EGF: variants seen among roughly 807,000 people sequenced by gnomAD.
The protein encoded by EGF is pro-epidermal growth factor.
EGF carries 95 observed loss-of-function variants against 143.8 expected under a neutral mutation model. The ratio of observed to expected loss-of-function variants is 0.66; its 90% confidence interval spans 0.56 to 0.78. The LOEUF (loss-of-function observed/expected upper bound fraction) is 0.78, where lower values mean the gene tolerates loss of function less well. Ranked by LOEUF, EGF falls within the 30% of genes least tolerant of loss-of-function variation. EGF has a pLI of 0.00. For missense variants in EGF, 1,320 were observed against 1,470.9 expected, an observed-to-expected ratio of 0.90 and a Z score of 1.68; for synonymous variants, 510 against 510.5, an observed-to-expected ratio of 1.00 and a Z score of 0.01.
intron 21 of EGF, among the ~76,000 whole-genome samples, chr4:110,000,832 A>G (rs114495955): frequency 0.011 from 1,652 of 152,330 alleles, 14 homozygotes; most frequent in Non-Finnish European, 0.017. Context: ...AGGGGACTTT[A>G]TGGAATTATC....
At chr4:109,987,978 TA>T (rs1437607721) in intron 17 of EGF, 118 bp downstream of exon 17, 1 of 825,586 alleles carries the variant, frequency 1.2e-6, no homozygotes, top group African/African-American at 1.7e-5. Flanking sequence ...TTGAATAAGT[TA>T]TTTGATGTTA....
chr4:109,936,922 C>G (rs1740928710), intron 1 of EGF, among the ~76,000 whole-genome samples: 1 of 152,070 alleles, frequency 6.6e-6, no homozygotes, highest in South Asian at 2.1e-4. Flanking sequence ...AATTTCTGTT[C>G]TTTTGCATTT....
In EGF at chr4:110,012,738, C is replaced by A. The variant is rs193265825; in HGVS notation, c.*1283C>A. ...GTAACTTTTAAAAAAATTTTTTAATCTACAACTCTGTAGATTAAAATTTCA... is the reference window on the plus strand; with the variant it reads ...GTAACTTTTAAAAAAATTTTTTAATATACAACTCTGTAGATTAAAATTTCA... On this transcript the variant is annotated 3_prime_UTR_variant, in exon 24 of 24. Transcript: ENST00000265171. Among the ~76,000 whole-genome samples the A allele has an allele frequency of 1.3e-5, 2 of 152,144 alleles. No homozygotes were observed. The highest frequency in any genetic ancestry group is 2.9e-5 in the Non-Finnish European group (2 of 68,024).
intron 20 of EGF, among the ~76,000 whole-genome samples, chr4:109,997,696 C>G (rs903336864): frequency 3.9e-5 from 6 of 152,016 alleles, no homozygotes; most frequent in Admixed American, 6.5e-5. Context: ...GTGATCCGCC[C>G]GCCTGGGCCT....
At position 109,970,824 on chromosome 4, in the gene EGF, C is replaced by CAAAAAAAAAA. The variant is rs371512157; in HGVS notation, c.1724+1718_1724+1727dup. Among the ~76,000 whole-genome samples the CAAAAAAAAAA allele has an allele frequency of 5.7e-3, 416 of 72,916 alleles. 43 individuals are homozygous for CAAAAAAAAAA. Among genetic ancestry groups the CAAAAAAAAAA allele is most frequent in the Middle Eastern group, 0.028 (3 of 108 alleles). The allele number at this position is 72,916 out of a possible 152,430, so 47.8% of individuals were successfully genotyped here. A position where few individuals can be genotyped will look rare whatever the true frequency, so the allele number is the denominator to read the frequency against. On this transcript the variant is annotated intron_variant, in intron 11 of 23. Transcript: ENST00000265171. ...TGGGTGGCAGAGCGAGACTCCGTCT[C>CAAAAAAAAAA]AAAAAAAAAAAAAAAAAAAAAATCT...
Position 109,964,474 on chromosome 4 carries a change from A to T in EGF, c.1512A>T (p.Gly504=). 1 of 1,614,010 alleles carries T rather than the reference A, an allele frequency of 6.2e-7. No individual in the cohort carries two copies. Among genetic ancestry groups the T allele is most frequent in the Non-Finnish European group, 8.5e-7 (1 of 1,179,880 alleles). Residue 504 remains glycine (G), a synonymous_variant, in exon 10 of 24, where the codon GGA becomes GGT. Coordinates refer to ENST00000265171, the MANE Select transcript of EGF (RefSeq NM_001963.6). ...RHMHFDGTDY[G]TLLSQQMGMV... ...TGCATTTTGATGGAACAGACTATGG[A>T]ACTCTGCTCAGCCAGCAGATGGGAA...
Position 109,913,414 on chromosome 4 carries a change from AGCT to A in EGF, c.81_83del (p.Cys28del). On this transcript the variant is annotated inframe_deletion, in exon 1 of 24. Transcript: ENST00000265171. ...TAGTCTCTCAGCACCGCAGCACTGG[AGCT>A]GTCCTGAAGGTACTCTCGCAGGAAA... The A allele has an allele frequency of 6.2e-7, 1 of 1,613,902 alleles. No individual in the cohort carries two copies. The highest frequency in any genetic ancestry group is 2.2e-5 in the East Asian group (1 of 44,858).
chr4:110,003,548 G>A (rs907506067), intron 21 of EGF, among the ~76,000 whole-genome samples: 1 of 152,078 alleles, frequency 6.6e-6, no homozygotes, highest in Non-Finnish European at 1.5e-5. Context: ...GAACGTCCAG[G>A]TAGGGCTTTT....
chr4:109,956,491 A>C (rs1431350267), intron 5 of EGF, among the ~76,000 whole-genome samples: 1 of 152,238 alleles, frequency 6.6e-6, no homozygotes, highest in Non-Finnish European at 1.5e-5. Flanking sequence ...AAAGTTAAAC[A>C]CAATACTGCT....
chr4:109,962,567 A>C (rs1442200510), intron 8 of EGF, among the ~76,000 whole-genome samples: 2 of 152,214 alleles, frequency 1.3e-5, no homozygotes, highest in Admixed American at 6.5e-5. Context: ...AAACTCATCA[A>C]ATGGATTTTT....
intron 9 of EGF, among the ~76,000 whole-genome samples, chr4:109,963,881 T>C (rs1746115882): frequency 6.6e-6 from 1 of 152,224 alleles, no homozygotes; most frequent in Admixed American, 6.5e-5. Flanking sequence ...TACCTTGCCC[T>C]AGTGAGACCC....
At chr4:110,000,306 G>A (rs1289353344) in intron 21 of EGF, among the ~76,000 whole-genome samples, 1 of 150,168 alleles carries the variant, frequency 6.7e-6, no homozygotes, top group Admixed American at 6.6e-5. Context: ...TGTTAGCTCA[G>A]GATTTCATTG....
Position 109,983,432 on chromosome 4 carries a change from T to C in EGF, c.2382T>C (p.Val794=), listed in dbSNP as rs777444669. ...DGHQLLAGGE[V]DLKNQVTPLD... The stretch of plus-strand genomic sequence containing the variant: ...ATTGACCTTCAATAGGTGGTGAAGT[T>C]GATCTAAAGAACCAAGTAACACCAT... Residue 794 remains valine (V), a synonymous_variant, in exon 16 of 24, where the codon GTT becomes GTC. Transcript: ENST00000265171. 1.9e-6 allele frequency: 3 copies of C among 1,613,636 alleles called. No individual in the cohort carries two copies. The East Asian group carries it at 6.7e-5, about 36-fold the overall frequency.
chr4:109,990,356 A>G (rs890735595), intron 18 of EGF, among the ~76,000 whole-genome samples: 9 of 152,220 alleles, frequency 5.9e-5, no homozygotes, highest in African/African-American at 2.2e-4. Context: ...GAAAGTTCAG[A>G]ACTGGGAGAA....
In EGF at chr4:109,941,029, G is replaced by A; in HGVS notation, c.211G>A (p.Val71Met). The part of the protein sequence containing the change: ...TEGTNYEQLV[V>M]DAGVSVIMDF... ...AGGAACCAATTATGAGCAATTGGTG[G>A]TGGATGCTGGTGTCTCAGTGATCAT... The change falls in exon 2 of 24, where the codon GTG (valine) becomes ATG (methionine). Residue 71 changes from valine (V) to methionine (M), a missense_variant. Val to Met is a conservative substitution (Grantham distance 21, BLOSUM62 1). This residue lies in a region of EGF where 9 missense variants were observed against 26.6 expected (regional missense o/e 0.34). Transcript: ENST00000265171. 1 of 1,614,034 alleles carries A rather than the reference G, an allele frequency of 6.2e-7. No individual in the cohort carries two copies. Among genetic ancestry groups the A allele is most frequent in the Non-Finnish European group, 8.5e-7 (1 of 1,179,958 alleles).
At chr4:109,983,571 T>G in intron 16 of EGF, 30 bp downstream of exon 16, 1 of 1,612,908 alleles carries the variant, frequency 6.2e-7, no homozygotes, top group Non-Finnish European at 8.5e-7. Context: ...CAATATACCT[T>G]TGGTTCCAAC....
chr4:110,004,456 A>T (rs762280387), intron 21 of EGF, 49 bp from the exon 22 acceptor site: 4 of 1,506,500 alleles, frequency 2.7e-6, no homozygotes, highest in Non-Finnish European at 3.7e-6. Flanking sequence ...GAGTGGGCTG[A>T]GTATTTTGTT....
intron 23 of EGF, among the ~76,000 whole-genome samples, chr4:110,009,192 T>A (rs1411199518): frequency 2.6e-5 from 4 of 152,192 alleles, no homozygotes; most frequent in African/African-American, 9.6e-5. Flanking sequence ...TTACCTAATT[T>A]GAAGAAGGCC....
chr4:109,916,338 A>G (rs1736650968), intron 1 of EGF, among the ~76,000 whole-genome samples: 1 of 152,024 alleles, frequency 6.6e-6, no homozygotes, highest in Non-Finnish European at 1.5e-5. Flanking sequence ...ACCTCCAAAT[A>G]TTCAGTGGTG....
Sources: allele counts gnomAD v4.1 joint callset (sites outside exome capture counted in the v4.1 genomes callset), GRCh38; gene constraint gnomAD v4.1.1; regional missense constraint gnomAD v4.1.1; transcripts MANE v1.5; gene names NCBI Gene and HGNC (gene_info 2026-07-23, HGNC 2026-07-21).